The following PPP1R14C variants were observed in gnomAD, a reference collection of about 807,000 sequenced individuals.
The protein encoded by PPP1R14C is protein phosphatase 1 regulatory inhibitor subunit 14C.
Under a neutral mutation model 20.4 loss-of-function variants are expected in PPP1R14C, and 16 were observed. The observed-to-expected ratio is 0.78, with a 90% CI of 0.53 to 1.19. PPP1R14C has a LOEUF of 1.19. Among genes scored for constraint, PPP1R14C ranks in the 50% most tolerant of loss-of-function variants. The pLI is 0.00. For missense variants in PPP1R14C, 211 were observed against 220.1 expected (o/e 0.96, Z 0.26); for synonymous variants, 91 against 91.0 (o/e 1.00, Z 0.00).
intron 3 of PPP1R14C, among the ~76,000 whole-genome samples, chr6:150,220,600 C>G (rs1184590353): frequency 1.3e-5 from 2 of 152,220 alleles, no homozygotes; most frequent in Non-Finnish European, 2.9e-5. Context: ...TGCAGACACG[C>G]ATTCACTAAT....
rs1777880860 is a variant in PPP1R14C at position 150,201,812 on chromosome 6, C to T, written c.307-12932C>T. On this transcript the variant is annotated intron_variant, in intron 1 of 3. Transcript: ENST00000361131. This position sits in a 1 kb window ranked among gnomAD's most constrained non-coding sequence, Gnocchi z 4.2. ...GTGGAGGTGGTACAAAGTGCAGGTTCAGGAGACGGTAAGCCATAGAATTGA... is the reference window on the plus strand; with the variant it reads ...GTGGAGGTGGTACAAAGTGCAGGTTTAGGAGACGGTAAGCCATAGAATTGA... Among the ~76,000 whole-genome samples the T allele has an allele frequency of 6.6e-6, 1 of 152,074 alleles. No homozygotes were observed. The highest frequency in any genetic ancestry group is 1.5e-5 in the Non-Finnish European group (1 of 68,018).
At chr6:150,184,543 C>G (rs776185358) in intron 1 of PPP1R14C, among the ~76,000 whole-genome samples, 1 of 152,138 alleles carries the variant, frequency 6.6e-6, no homozygotes, top group South Asian at 2.1e-4. Flanking sequence ...TCCCCTCCCC[C>G]ACCCCATCCT....
At chr6:150,192,477 G>A (rs1330713096) in intron 1 of PPP1R14C, among the ~76,000 whole-genome samples, 1 of 152,158 alleles carries the variant, frequency 6.6e-6, no homozygotes, top group Non-Finnish European at 1.5e-5. Flanking sequence ...TGATCAACAA[G>A]AGACAGGGCT....
chr6:150,200,975 G>A (rs1440524683), intron 1 of PPP1R14C, among the ~76,000 whole-genome samples: 3 of 152,158 alleles, frequency 2.0e-5, no homozygotes, highest in Admixed American at 6.5e-5. Flanking sequence ...CAAAAGTCAC[G>A]GAAGTCAAAA....
chr6:150,249,463 A>G lies in PPP1R14C; in HGVS notation c.*643A>G. On this transcript the variant is annotated 3_prime_UTR_variant, in exon 4 of 4. Coordinates refer to ENST00000361131, the MANE Select transcript of PPP1R14C (RefSeq NM_030949.3). ...ATCCGTTATTTTAATGCACTACACC[A>G]CAGAAATGTTAAGTTGGTCAAGGGC... is the stretch of plus-strand genomic sequence containing the variant. 2.5e-6 allele frequency: 1 copy of G among 398,674 alleles called. No individual in the cohort carries two copies. The highest frequency in any genetic ancestry group is 4.4e-6 in the Non-Finnish European group (1 of 226,080). The allele number at this position is 398,674 out of a possible 1,614,324, so 24.7% of individuals were successfully genotyped here.
intron 3 of PPP1R14C, among the ~76,000 whole-genome samples, chr6:150,242,040 T>C (rs925457248): frequency 1.3e-5 from 2 of 152,212 alleles, no homozygotes; most frequent in Admixed American, 6.5e-5. Context: ...AAGAGAGTTT[T>C]GTTTTTGCTG....
chr6:150,216,023 G>A lies in PPP1R14C; in HGVS notation c.391-801G>A, dbSNP rs1410277775. On this transcript the variant is annotated intron_variant, in intron 2 of 3. Transcript: ENST00000361131. ...GGTTTGAAACCATTTGGATCCTGCC[G>A]GGTTATATCCAGTTAATTGAAGGAA... Among the ~76,000 whole-genome samples, 5 of 152,146 alleles carry A rather than the reference G, an allele frequency of 3.3e-5. No homozygotes were observed. In the East Asian group the frequency reaches 7.7e-4, roughly 23 times the overall value.
chr6:150,228,938 GAC>G (rs1778261134), intron 3 of PPP1R14C, among the ~76,000 whole-genome samples: 2 of 152,140 alleles, frequency 1.3e-5, no homozygotes, highest in South Asian at 4.2e-4. Context: ...TTTTATAAGA[GAC>G]ACGATAGAGG....
intron 1 of PPP1R14C, among the ~76,000 whole-genome samples, chr6:150,147,654 T>C (rs1427242112): frequency 6.6e-6 from 1 of 152,262 alleles, no homozygotes; most frequent in Non-Finnish European, 1.5e-5. Context: ...AACATGTTGC[T>C]AAGCTCAGAT....
chr6:150,238,242 G>A (rs1171436901), intron 3 of PPP1R14C, among the ~76,000 whole-genome samples: 2 of 152,216 alleles, frequency 1.3e-5, no homozygotes, highest in African/African-American at 2.4e-5. Context: ...ATGTTTGTTT[G>A]TCTTTTAAAA....
intron 1 of PPP1R14C, among the ~76,000 whole-genome samples, chr6:150,183,634 C>T (rs1353838545): frequency 6.6e-6 from 1 of 152,140 alleles, no homozygotes; most frequent in Non-Finnish European, 1.5e-5. Flanking sequence ...GCCTCAGCCT[C>T]CCAAGTAGCT....
Position 150,143,949 on chromosome 6 carries a change from A to G in PPP1R14C, c.306+451A>G, listed in dbSNP as rs1483737110. Among the ~76,000 whole-genome samples, 3 of 152,160 alleles carry G rather than the reference A, an allele frequency of 2.0e-5. No homozygotes were observed. Among genetic ancestry groups the G allele is most frequent in the Admixed American group, 2.0e-4 (3 of 15,280 alleles). On this transcript the variant is annotated intron_variant, in intron 1 of 3. Transcript: ENST00000361131. This position sits in a 1 kb window ranked among gnomAD's most constrained non-coding sequence, Gnocchi z 5.6. ...GATTTTTGTGGAGAACGAGCAGGGA[A>G]GGAAGGAAGCTGCCTCGTGGAAAGG...
intron 1 of PPP1R14C, among the ~76,000 whole-genome samples, chr6:150,159,191 C>T (rs1018851956): frequency 6.6e-6 from 1 of 152,168 alleles, no homozygotes; most frequent in African/African-American, 2.4e-5. Flanking sequence ...TTTCAAGAGT[C>T]ATGGACCGTA....
chr6:150,184,354 A>G (rs1033752221), intron 1 of PPP1R14C, among the ~76,000 whole-genome samples: 1 of 152,154 alleles, frequency 6.6e-6, no homozygotes, highest in African/African-American at 2.4e-5. Flanking sequence ...CTCCTGGTAG[A>G]TAGTATCTGG....
At chr6:150,213,110 A>G (rs1778047616) in intron 1 of PPP1R14C, among the ~76,000 whole-genome samples, 1 of 152,230 alleles carries the variant, frequency 6.6e-6, no homozygotes, top group Admixed American at 6.5e-5. Context: ...CGCACAGATG[A>G]GATCTAAAAC....
At chr6:150,241,018 G>C (rs771429845) in intron 3 of PPP1R14C, among the ~76,000 whole-genome samples, 1 of 151,928 alleles carries the variant, frequency 6.6e-6, no homozygotes, top group African/African-American at 2.4e-5. Flanking sequence ...GGTGATAGGA[G>C]TGTCTTTTGT....
rs553781481 is a variant in PPP1R14C, at chr6:150,143,330, C to T, written c.138C>T (p.Asp46=). ...SSSGSGSSRE[D]SAPVATAAAA... ...GCGGCTCAGGCTCCTCCCGGGAGGA[C>T]TCGGCGCCCGTGGCCACGGCGGCCG... Residue 46 remains aspartate (D), a synonymous_variant, in exon 1 of 4, where the codon GAC becomes GAT. Coordinates refer to ENST00000361131, the MANE Select transcript of PPP1R14C (RefSeq NM_030949.3). The surrounding 1 kb of genome is among the most constrained non-coding windows in gnomAD (Gnocchi z 5.6). 1 of 1,602,844 alleles carries T rather than the reference C, an allele frequency of 6.2e-7. No individual in the cohort carries two copies. The highest frequency in any genetic ancestry group is 2.3e-5 in the East Asian group (1 of 43,696).
At position 150,143,709 on chromosome 6, in the gene PPP1R14C, G is replaced by C. The variant is rs1777150285; in HGVS notation, c.306+211G>C. 6.6e-6 allele frequency among the ~76,000 whole-genome samples: 1 copy of C among 152,322 alleles called. No homozygotes were observed. The highest frequency in any genetic ancestry group is 6.5e-5 in the Admixed American group (1 of 15,308). On this transcript the variant is annotated intron_variant, in intron 1 of 3. Transcript: ENST00000361131. The surrounding 1 kb of genome is among the most constrained non-coding windows in gnomAD (Gnocchi z 5.6). The stretch of plus-strand genomic sequence containing the variant: ...ACGCCCCTGTCTGGGTTCGGCTGCC[G>C]GTGCCCGGGGATCTGCGGGCCCCCT...
rs370595141 is a variant in PPP1R14C, at chr6:150,159,293, T to C, written c.306+15795T>C. 4.6e-5 allele frequency among the ~76,000 whole-genome samples: 7 copies of C among 152,370 alleles called. 1 individual carries two copies. ...ACACAAAAGCCTTTCTGTCTTTCTCTTCCTCTCTTCAGCCAGATTTGACAG... is the reference window on the plus strand; with the variant it reads ...ACACAAAAGCCTTTCTGTCTTTCTCCTCCTCTCTTCAGCCAGATTTGACAG... On this transcript the variant is annotated intron_variant, in intron 1 of 3. Coordinates refer to ENST00000361131, the MANE Select transcript of PPP1R14C (RefSeq NM_030949.3).
Sources: gnomAD v4.1 joint callset for allele counts (sites outside exome capture counted in the v4.1 genomes callset) on GRCh38, gnomAD v4.1.1 for gene constraint, Gnocchi (gnomAD v3.1) non-coding constraint, MANE v1.5 for transcripts, NCBI Gene and HGNC (gene_info 2026-07-23, HGNC 2026-07-21) for gene names.